Variants in DYNC2I2 observed in about 807,000 individuals in gnomAD.
DYNC2I2 encodes dynein 2 intermediate chain 2, also known as cytoplasmic dynein 2 intermediate chain 2.
Under a neutral mutation model 52.0 loss-of-function variants are expected in DYNC2I2, and 39 were observed. That is an observed-to-expected ratio of 0.75 (90% CI 0.58 to 0.98). DYNC2I2 has a LOEUF of 0.98. DYNC2I2 is among the 50% of genes least tolerant of loss of function. DYNC2I2 has a pLI of 0.00. For synonymous variants in DYNC2I2, 359 were observed against 321.1 expected (o/e 1.12, Z -1.26); for missense variants, 743 against 728.4 (o/e 1.02, Z -0.23).
chr9:128,636,982 C>A lies in DYNC2I2; in HGVS notation c.481G>T (p.Gly161Cys), dbSNP rs1263284950. 1.6e-5 allele frequency: 26 copies of A among 1,613,394 alleles called. No individual in the cohort carries two copies. The East Asian group carries it at 5.8e-4, about 36-fold the overall frequency. ...TLGYPPAQAQ[G>C]LHVTSISWNS... ...CAGGAGATGCTGGTCACATGCAGAC[C>A]CTGCGCTTGGGCTGGCGGGTAGCCC... The change falls in exon 3 of 9, where the codon GGT becomes TGT. Residue 161 changes from glycine to cysteine, a missense_variant. Gly to Cys is a radical substitution (Grantham distance 159). Coordinates refer to ENST00000372715, the MANE Select transcript of DYNC2I2 (RefSeq NM_052844.4).
At chr9:128,653,153 CA>C (rs1860750923) in intron 1 of DYNC2I2, among the ~76,000 whole-genome samples, 1 of 150,892 alleles carries the variant, frequency 6.6e-6, no homozygotes. Context: ...CACCTGAAAC[CA>C]GGAGGCGGAG....
upstream of DYNC2I2, among the ~76,000 whole-genome samples, chr9:128,660,843 C>T (rs1472658296): frequency 6.6e-6 from 1 of 151,914 alleles, no homozygotes; most frequent in Non-Finnish European, 1.5e-5. Flanking sequence ...GATTCTCTTG[C>T]CTCAGCCTCC....
chr9:128,684,011 C>G, the DYNC2I2 span: 1 of 1,536,258 alleles, frequency 6.5e-7, no homozygotes, highest in Non-Finnish European at 8.8e-7. Flanking sequence ...AAGGGAGGTA[C>G]GTTTCTGCGC....
the DYNC2I2 span, among the ~76,000 whole-genome samples, chr9:128,672,865 A>G: frequency 2.0e-5 from 3 of 152,164 alleles, no homozygotes; most frequent in East Asian, 5.8e-4. Flanking sequence ...TCTACTAAAA[A>G]TACAAAAAAC....
In DYNC2I2 at chr9:128,640,881, T is replaced by G. The variant is rs764871385; in HGVS notation, c.245A>C (p.His82Pro). 1.2e-6 allele frequency: 2 copies of G among 1,613,194 alleles called. No individual in the cohort carries two copies. Among genetic ancestry groups the G allele is most frequent in the African/African-American group, 2.7e-5 (2 of 74,916 alleles). Residue 82 changes from histidine to proline, a missense_variant, in exon 2 of 9, where the codon CAT becomes CCT. By Grantham distance (77) the His-to-Pro change is moderately conservative. Coordinates refer to ENST00000372715, the MANE Select transcript of DYNC2I2 (RefSeq NM_052844.4). ...TASASAQARN[H>P]VDAQVQTEAP... is the part of the protein sequence containing the mutation. ...CTCCGTCTGCACCTGGGCGTCCACA[T>G]GATTCCTGGCCTGGGCGGATGCACT... is the stretch of plus-strand genomic sequence containing the variant.
chr9:128,644,950 T>G (rs1240114320), intron 1 of DYNC2I2, among the ~76,000 whole-genome samples: 1 of 152,212 alleles, frequency 6.6e-6, no homozygotes, highest in East Asian at 1.9e-4. Flanking sequence ...GATGGTGAAC[T>G]TCATCGATAA....
chr9:128,682,119 AC>A, the DYNC2I2 span, among the ~76,000 whole-genome samples: 1 of 147,460 alleles, frequency 6.8e-6, no homozygotes, highest in Non-Finnish European at 1.5e-5. Flanking sequence ...CGCAATCTCC[AC>A]TCACTGCGAT....
At position 128,636,371 on chromosome 9, in the gene DYNC2I2, G is replaced by A; in HGVS notation, c.613C>T (p.Leu205=). ...ACGGCCGACGGCTGCTGGGGACGCA[G>A]GTCTCGCCGGTCCAGGTTCCAGGCA... is the stretch of plus-strand genomic sequence containing the variant. The part of the protein sequence containing the change: ...VCAWNLDRRD[L]RPQQPSAVVE... The change falls in exon 4 of 9, where the codon CTG becomes TTG. Residue 205 remains leucine (L), a synonymous_variant. Coordinates refer to ENST00000372715, the MANE Select transcript of DYNC2I2 (RefSeq NM_052844.4). 2 of 1,609,582 alleles carry A rather than the reference G, an allele frequency of 1.2e-6. No homozygotes were observed. Among genetic ancestry groups the A allele is most frequent in the Non-Finnish European group, 8.5e-7 (1 of 1,178,408 alleles).
At chr9:128,659,021 C>A (rs974768525), upstream of DYNC2I2, among the ~76,000 whole-genome samples, 1 of 151,726 alleles carries the variant, frequency 6.6e-6, no homozygotes, top group Admixed American at 6.6e-5. Context: ...TAAGCCACTC[C>A]CCAGGCCAAA....
In DYNC2I2 at chr9:128,653,959, C is replaced by T. The variant is rs545854480; in HGVS notation, c.186+2582G>A. 5.9e-5 allele frequency among the ~76,000 whole-genome samples: 9 copies of T among 151,802 alleles called. No homozygotes were observed. In the South Asian group the frequency reaches 1.7e-3, roughly 28 times the overall value. ...CCAGGAGACAGAGCTTGCAGCGAGC[C>T]GAGATTGCGCCACTGCACTCCAGCC... On this transcript the variant is annotated intron_variant, in intron 1 of 8. Coordinates refer to ENST00000372715, the MANE Select transcript of DYNC2I2 (RefSeq NM_052844.4).
upstream of DYNC2I2, among the ~76,000 whole-genome samples, chr9:128,661,315 AAAAAAAAACAAAAAG>A (rs1459907091): frequency 6.6e-6 from 1 of 150,486 alleles, no homozygotes; most frequent in African/African-American, 2.4e-5. Flanking sequence ...AAAAAAAAAA[AAAAAAAAACAAAAAG>A]AAAAACCAGC....
the DYNC2I2 span, among the ~76,000 whole-genome samples, chr9:128,674,659 C>A: frequency 6.6e-6 from 1 of 152,130 alleles, no homozygotes; most frequent in African/African-American, 2.4e-5. Flanking sequence ...AGGAGAATCG[C>A]GTGAACCCAG....
chr9:128,656,596 C>A lies in DYNC2I2; in HGVS notation c.131G>T (p.Gly44Val). 1 of 1,490,898 alleles carries A rather than the reference C, an allele frequency of 6.7e-7. No homozygotes were observed. The highest frequency in any genetic ancestry group is 2.3e-5 in the Admixed American group (1 of 44,144). 92.4% of individuals were successfully genotyped at this position (1,490,898 alleles called of 1,614,324 possible). The change falls in exon 1 of 9, where the codon GGT becomes GTT. Residue 44 changes from glycine to valine, a missense_variant. Gly to Val is a moderately radical substitution (Grantham distance 109). Transcript: ENST00000372715. ...CCACTGCGAGGGCACGGACGCCACA[C>A]CCAGGGTCTCGTCCTGCAGCGGCCC... is the stretch of plus-strand genomic sequence containing the variant. ...RPGPLQDETL[G>V]VASVPSQWRA...
At position 128,656,746 on chromosome 9, in the gene DYNC2I2, C is replaced by T. The variant is rs115636627; in HGVS notation, c.-20G>A. 82 of 1,350,884 alleles carry T rather than the reference C, an allele frequency of 6.1e-5. No individual in the cohort carries two copies. Among genetic ancestry groups the T allele is most frequent in the Non-Finnish European group, 6.1e-5 (64 of 1,051,674 alleles). 83.7% of individuals were successfully genotyped at this position (1,350,884 alleles called of 1,614,324 possible). A position where few individuals can be genotyped will look rare whatever the true frequency, so the allele number is the denominator to read the frequency against. ...TGCCATGGAGACGGTTCCGCCCTCT[C>T]GTGCGGACGCACTCAGGCGCGACCT... is the stretch of plus-strand genomic sequence containing the variant. On this transcript the variant is annotated 5_prime_UTR_variant, in exon 1 of 9. Transcript: ENST00000372715.
the DYNC2I2 span, among the ~76,000 whole-genome samples, chr9:128,667,147 C>T: frequency 2.1e-4 from 32 of 150,544 alleles, no homozygotes; most frequent in East Asian, 8.0e-4. Context: ...TGCAGTGAGC[C>T]GAGATCACGC....
chr9:128,670,878 A>T, the DYNC2I2 span, among the ~76,000 whole-genome samples: 1 of 151,324 alleles, frequency 6.6e-6, no homozygotes, highest in African/African-American at 2.4e-5. Flanking sequence ...AGCCAGCCTG[A>T]CCAACATGGT....
the DYNC2I2 span, among the ~76,000 whole-genome samples, chr9:128,668,241 G>A: frequency 1.5e-5 from 2 of 134,736 alleles, no homozygotes; most frequent in Admixed American, 7.5e-5. Context: ...TTACAGGCGT[G>A]AGCCACCACG....
chr9:128,660,831 G>T, upstream of DYNC2I2, among the ~76,000 whole-genome samples: 1 of 151,890 alleles, frequency 6.6e-6, no homozygotes, highest in Non-Finnish European at 1.5e-5. Flanking sequence ...TTGAGTTCAA[G>T]TGATTCTCTT....
At chr9:128,654,305 G>A (rs1446128580) in intron 1 of DYNC2I2, among the ~76,000 whole-genome samples, 2 of 152,072 alleles carry the variant, frequency 1.3e-5, no homozygotes, top group African/African-American at 4.8e-5. Flanking sequence ...GGGAGGATTT[G>A]GGCTCTCTGC....
Sources: gnomAD v4.1 joint callset for allele counts (sites outside exome capture counted in the v4.1 genomes callset) on GRCh38, gnomAD v4.1.1 for gene constraint, MANE v1.5 for transcripts, NCBI Gene and HGNC (gene_info 2026-07-23, HGNC 2026-07-21) for gene names.